Variants in PSME4 observed in about 807,000 individuals in gnomAD.
The protein encoded by PSME4 is proteasome activator subunit 4.
Under a neutral mutation model 253.9 loss-of-function variants are expected in PSME4, and 89 were observed. That is an observed-to-expected ratio of 0.35 (90% CI 0.30 to 0.42). The LOEUF (loss-of-function observed/expected upper bound fraction) is 0.42. Among genes scored for constraint, PSME4 ranks in the 10% least tolerant of loss-of-function variants. The pLI is 1.00. For synonymous variants in PSME4, 851 were observed against 759.2 expected, an observed-to-expected ratio of 1.12 and a Z score of -1.99; for missense variants, 2,014 against 2,195.2, an observed-to-expected ratio of 0.92 and a Z score of 1.65.
chr2:53,926,879 C>T (rs1236448227), intron 12 of PSME4, among the ~76,000 whole-genome samples: 1 of 150,592 alleles, frequency 6.6e-6, no homozygotes, highest in African/African-American at 2.4e-5. Context: ...GAGGCTGAGG[C>T]AGGAGAATTG....
chr2:53,866,452 G>T (rs1678570029), intron 45 of PSME4, among the ~76,000 whole-genome samples: 1 of 152,152 alleles, frequency 6.6e-6, no homozygotes, highest in Non-Finnish European at 1.5e-5. Flanking sequence ...ATACTTTGCA[G>T]TGCTAGAAAA....
Position 53,970,621 on chromosome 2 carries a change from A to G in PSME4, c.164T>C (p.Ile55Thr). 6.5e-7 allele frequency: 1 copy of G among 1,549,654 alleles called. No homozygotes were observed. Among genetic ancestry groups the G allele is most frequent in the Non-Finnish European group, 8.7e-7 (1 of 1,146,876 alleles). ...DAESDLQLAQIKCNLGRAVQL... is the reference protein window; with the variant it reads ...DAESDLQLAQTKCNLGRAVQL... Reference sequence around the variant, plus strand: ...CACGGCCCGGCCCAGGTTGCATTTGATCTGGGCCAGCTGCAAGTCGGACTC... The same window carrying G: ...CACGGCCCGGCCCAGGTTGCATTTGGTCTGGGCCAGCTGCAAGTCGGACTC... Residue 55 changes from isoleucine to threonine, a missense_variant, in exon 1 of 47, where the codon ATC (isoleucine) becomes ACC (threonine). Transcript: ENST00000404125.
Position 53,936,748 on chromosome 2 carries a change from A to G in PSME4, c.759+16T>C. The G allele has an allele frequency of 6.5e-7, 1 of 1,536,512 alleles. No homozygotes were observed. The highest frequency in any genetic ancestry group is 1.2e-5 in the South Asian group (1 of 80,572). On this transcript the variant is annotated intron_variant, in intron 6 of 46. Coordinates refer to ENST00000404125, the MANE Select transcript of PSME4 (RefSeq NM_014614.3). Reference sequence around the variant, plus strand: ...AAAAACTATAGGGGGGAAGAAAGGGAAAAAGGGATACTTACCCCCTCCCAT... The same window carrying G: ...AAAAACTATAGGGGGGAAGAAAGGGGAAAAGGGATACTTACCCCCTCCCAT...
At chr2:53,899,824 A>G in intron 29 of PSME4, 57 bp downstream of exon 29, 10 of 1,584,040 alleles carry the variant, frequency 6.3e-6, no homozygotes, top group Non-Finnish European at 8.6e-6. Flanking sequence ...TCTCAAAAAA[A>G]AGCCAAAACT....
chr2:53,948,053 G>T (rs927320406), intron 3 of PSME4, among the ~76,000 whole-genome samples: 2 of 152,118 alleles, frequency 1.3e-5, no homozygotes, highest in African/African-American at 4.8e-5. Context: ...TGCTAAAACT[G>T]AGAAAATTTA....
chr2:53,951,330 C>T (rs563333129), intron 1 of PSME4, among the ~76,000 whole-genome samples: 26 of 152,326 alleles, frequency 1.7e-4, no homozygotes, highest in African/African-American at 6.3e-4. Context: ...ATCCCCCCTG[C>T]CTTGGCCTCC....
At chr2:53,948,622 A>C in intron 2 of PSME4, 85 bp from the exon 3 acceptor site, 1 of 860,644 alleles carries the variant, frequency 1.2e-6, no homozygotes, top group Non-Finnish European at 1.9e-6. Flanking sequence ...GGGACAGTTA[A>C]ACATTGCTGC....
chr2:53,966,603 A>C (rs1010815335), intron 1 of PSME4, among the ~76,000 whole-genome samples: 1 of 152,102 alleles, frequency 6.6e-6, no homozygotes, highest in African/African-American at 2.4e-5. Context: ...GCAAGGCCAG[A>C]TACACCTCAC....
At position 53,899,714 on chromosome 2, in the gene PSME4, A is replaced by T. The variant is rs888142755; in HGVS notation, c.3422+167T>A. Among the ~76,000 whole-genome samples, 6 of 151,940 alleles carry T rather than the reference A, an allele frequency of 3.9e-5. No homozygotes were observed. In the East Asian group the frequency reaches 1.2e-3, roughly 30 times the overall value. ...ATGCCTGTAATCTCAGCTACTCGGG[A>T]GGCTGACGCATGAGAAGAGCTTAAA... is the stretch of plus-strand genomic sequence containing the variant. On this transcript the variant is annotated intron_variant, in intron 29 of 46. Transcript: ENST00000404125.
At chr2:53,898,580 T>C (rs568018401) in intron 29 of PSME4, among the ~76,000 whole-genome samples, 1 of 151,616 alleles carries the variant, frequency 6.6e-6, no homozygotes, top group East Asian at 1.9e-4. Context: ...CAACTTTTCC[T>C]GAATGGACAT....
At chr2:53,935,522 A>C (rs1330633037) in intron 7 of PSME4, among the ~76,000 whole-genome samples, 2 of 152,228 alleles carry the variant, frequency 1.3e-5, no homozygotes, top group Non-Finnish European at 2.9e-5. Flanking sequence ...TGGAACATCT[A>C]GCTTTATTTA....
At chr2:53,936,940 G>GA (rs1669152902) in intron 5 of PSME4, 113 bp from the exon 6 acceptor site, 2 of 680,468 alleles carry the variant, frequency 2.9e-6, no homozygotes, top group East Asian at 5.8e-5. Context: ...ACGTTAACTA[G>GA]AAAAAACAAT....
intron 3 of PSME4, among the ~76,000 whole-genome samples, chr2:53,941,441 A>G (rs918045418): frequency 2.6e-5 from 4 of 151,834 alleles, no homozygotes; most frequent in Admixed American, 6.6e-5. Flanking sequence ...CCATTAAAAA[A>G]AAACAGGGCA....
At chr2:53,880,900 A>T (rs1436400199) in intron 41 of PSME4, among the ~76,000 whole-genome samples, 1 of 152,194 alleles carries the variant, frequency 6.6e-6, no homozygotes, top group Non-Finnish European at 1.5e-5. Context: ...ACTGTGGTAT[A>T]AAAAAGAAGA....
At chr2:53,910,644 A>C (rs1008321445) in intron 20 of PSME4, among the ~76,000 whole-genome samples, 3 of 152,202 alleles carry the variant, frequency 2.0e-5, no homozygotes, top group Non-Finnish European at 4.4e-5. Flanking sequence ...AAGAATTATG[A>C]TACCACAACC....
intron 41 of PSME4, among the ~76,000 whole-genome samples, chr2:53,881,091 A>C (rs1232237989): frequency 6.6e-6 from 1 of 152,230 alleles, no homozygotes. Flanking sequence ...TAAAATTCTA[A>C]AATCCAATAG....
intron 35 of PSME4, among the ~76,000 whole-genome samples, chr2:53,893,405 C>T (rs552316501): frequency 6.6e-6 from 1 of 152,244 alleles, no homozygotes; most frequent in African/African-American, 2.4e-5. Flanking sequence ...ATACATCCTC[C>T]TGTATATTTT....
intron 1 of PSME4, among the ~76,000 whole-genome samples, chr2:53,969,435 A>G (rs553091754): frequency 6.6e-6 from 1 of 152,338 alleles, no homozygotes; most frequent in African/African-American, 2.4e-5. Context: ...AATATACACA[A>G]AACTATTACA....
rs531123374 is a variant in PSME4 at position 53,869,485 on chromosome 2, A to C, written c.5154T>G (p.Leu1718=). Residue 1718 remains leucine, a synonymous_variant, in exon 44 of 47, where the codon CTT becomes CTG. Transcript: ENST00000404125. ...GAATCTGCATAGGACTGTCCATGGT[A>C]AGAAAGTTACACTGTAGCAGACCGC... ...TLSGLLQCNF[L]TMDSPMQIHF... 6.9e-6 allele frequency: 11 copies of C among 1,592,070 alleles called. No homozygotes were observed. In the Admixed American group the frequency reaches 1.5e-4, roughly 22 times the overall value.
Sources: allele counts gnomAD v4.1 joint callset (sites outside exome capture counted in the v4.1 genomes callset), GRCh38; gene constraint gnomAD v4.1.1; transcripts MANE v1.5; gene names NCBI Gene and HGNC (gene_info 2026-07-23, HGNC 2026-07-21).